Variants in CRPPA observed in about 807,000 individuals in gnomAD.
CRPPA encodes the protein D-ribitol-5-phosphate cytidylyltransferase.
A neutral mutation model predicts 52.0 loss-of-function variants in CRPPA; 43 were observed. The observed-to-expected ratio is 0.83, with a 90% CI of 0.65 to 1.07. The LOEUF is 1.07. Among genes scored for constraint, CRPPA ranks in the 50% least tolerant of loss-of-function variants. CRPPA has a pLI of 0.00. For missense variants in CRPPA, 629 were observed against 551.7 expected (o/e 1.14, Z -1.40); for synonymous variants, 250 against 203.5 (o/e 1.23, Z -1.94).
At position 16,278,232 on chromosome 7, in the gene CRPPA, A is replaced by T. The variant is rs766850173; in HGVS notation, c.836-6T>A. The T allele has an allele frequency of 4.8e-6, 7 of 1,462,630 alleles. No individual in the cohort carries two copies. Among genetic ancestry groups the T allele is most frequent in the Non-Finnish European group, 6.5e-6 (7 of 1,073,748 alleles). 90.6% of individuals were successfully genotyped at this position (1,462,630 alleles called of 1,614,324 possible). Reference sequence around the variant, plus strand: ...AATCTCTTGGGAAATTCTCTCTGAAATTAAAAAAAAAAAGTTTTAAGTTTC... The same window carrying T: ...AATCTCTTGGGAAATTCTCTCTGAATTTAAAAAAAAAAAGTTTTAAGTTTC... On this transcript the variant is annotated splice_polypyrimidine_tract_variant and splice_region_variant and intron_variant, in intron 5 of 9. Transcript: ENST00000407010.
intron 2 of CRPPA, among the ~76,000 whole-genome samples, chr7:16,393,715 T>G (rs1787498370): frequency 6.6e-6 from 1 of 152,224 alleles, no homozygotes; most frequent in East Asian, 1.9e-4. Context: ...CATTAGTGAT[T>G]TTAAGTATAT....
chr7:16,193,642 AAT>A (rs1781662499), intron 9 of CRPPA, among the ~76,000 whole-genome samples: 1 of 152,110 alleles, frequency 6.6e-6, no homozygotes, highest in Non-Finnish European at 1.5e-5. Context: ...AAATACCATA[AAT>A]ATAAAAGGGA....
chr7:16,414,282 T>C (rs2128319864), intron 1 of CRPPA, among the ~76,000 whole-genome samples: 1 of 151,410 alleles, frequency 6.6e-6, no homozygotes, highest in East Asian at 1.9e-4. Flanking sequence ...CCTTTCTTAA[T>C]CCCTTTTGCT....
Position 16,147,042 on chromosome 7 carries a change from G to A in CRPPA, c.1252-55243C>T, listed in dbSNP as rs1260061836. Among the ~76,000 whole-genome samples, 4 of 152,236 alleles carry A rather than the reference G, an allele frequency of 2.6e-5. No homozygotes were observed. The South Asian group carries it at 8.3e-4, about 32-fold the overall frequency. ...ACTCATTTAGGAACTCATTTTCAGG[G>A]TGAAAGTGAAAAGATCTGGTAGTTT... On this transcript the variant is annotated intron_variant, in intron 9 of 9. Transcript: ENST00000407010.
intron 3 of CRPPA, among the ~76,000 whole-genome samples, chr7:16,323,075 A>G (rs779529591): frequency 6.6e-6 from 1 of 152,106 alleles, no homozygotes; most frequent in Non-Finnish European, 1.5e-5. Context: ...GCCTTGATAC[A>G]TGGAGATTAT....
intron 9 of CRPPA, among the ~76,000 whole-genome samples, chr7:16,117,513 C>T (rs938608617): frequency 7.9e-5 from 12 of 152,210 alleles, no homozygotes; most frequent in Non-Finnish European, 1.6e-4. Flanking sequence ...GAGCAAGCCT[C>T]CCTCCAGCAG....
At chr7:16,400,516 C>A (rs959880978) in intron 2 of CRPPA, among the ~76,000 whole-genome samples, 3 of 152,220 alleles carry the variant, frequency 2.0e-5, no homozygotes, top group African/African-American at 7.2e-5. Flanking sequence ...AACGACACGA[C>A]TGGCACATGA....
In CRPPA at chr7:16,092,313, T is replaced by A. The variant is rs974162620; in HGVS notation, c.1252-514A>T. 2.0e-5 allele frequency among the ~76,000 whole-genome samples: 3 copies of A among 152,210 alleles called. No individual in the cohort carries two copies. The South Asian group carries it at 6.2e-4, about 32-fold the overall frequency. Reference sequence around the variant, plus strand: ...GTTTTGCCTTTGAAATCATATTGCCTGTAAGAATCCATTTATTCTAATTAT... The same window carrying A: ...GTTTTGCCTTTGAAATCATATTGCCAGTAAGAATCCATTTATTCTAATTAT... On this transcript the variant is annotated intron_variant, in intron 9 of 9. Transcript: ENST00000407010.
At chr7:16,328,723 C>T (rs1044915014) in intron 3 of CRPPA, among the ~76,000 whole-genome samples, 3 of 152,120 alleles carry the variant, frequency 2.0e-5, no homozygotes, top group Non-Finnish European at 2.9e-5. Context: ...CCATGTTGGC[C>T]AGGCTGGTCT....
chr7:16,286,337 C>A (rs1474591035), intron 5 of CRPPA, among the ~76,000 whole-genome samples: 1 of 151,630 alleles, frequency 6.6e-6, no homozygotes, highest in Non-Finnish European at 1.5e-5. Flanking sequence ...AAGCCTGAGA[C>A]ATCCACTCTT....
chr7:16,157,974 A>C (rs1484336007), intron 9 of CRPPA, among the ~76,000 whole-genome samples: 1 of 151,836 alleles, frequency 6.6e-6, no homozygotes, highest in Non-Finnish European at 1.5e-5. Flanking sequence ...TCGGGGAATC[A>C]AGCGATTCCC....
At chr7:16,346,241 G>A (rs997021443) in intron 3 of CRPPA, among the ~76,000 whole-genome samples, 2 of 151,972 alleles carry the variant, frequency 1.3e-5, no homozygotes, top group Non-Finnish European at 2.9e-5. Context: ...AAAGGTAACA[G>A]ACAAGTAAAA....
chr7:16,171,313 A>C (rs189979774), intron 9 of CRPPA, among the ~76,000 whole-genome samples: 23 of 152,314 alleles, frequency 1.5e-4, no homozygotes, highest in African/African-American at 5.3e-4. Context: ...TTACACAATA[A>C]AATATAAACG....
At chr7:16,138,705 T>C (rs1782807726) in intron 9 of CRPPA, among the ~76,000 whole-genome samples, 4 of 152,100 alleles carry the variant, frequency 2.6e-5, no homozygotes. Context: ...AAAATTATCT[T>C]ATACTTTGAC....
chr7:16,383,171 G>A (rs1269229045), intron 2 of CRPPA, among the ~76,000 whole-genome samples: 1 of 152,066 alleles, frequency 6.6e-6, no homozygotes, highest in Non-Finnish European at 1.5e-5. Flanking sequence ...TGGGTTTTTG[G>A]TGTGGATGTC....
chr7:16,254,796 A>AGAAAGAAAGAAAGAAAGAAG (rs1783576121), intron 8 of CRPPA, among the ~76,000 whole-genome samples: 2 of 49,588 alleles, frequency 4.0e-5, no homozygotes, highest in African/African-American at 1.4e-4. Flanking sequence ...AAAGAAGGAA[A>AGAAAGAAAGAAAGAAAGAAG]GAAAGAAAGA....
At position 16,133,784 on chromosome 7, in the gene CRPPA, A is replaced by G. The variant is rs151328815; in HGVS notation, c.1252-41985T>C. ...AAAGCTGAAATGCTTGATATGTACC[A>G]CAGATTTAGGTCTGCAGCTGAGGAT... On this transcript the variant is annotated intron_variant, in intron 9 of 9. Transcript: ENST00000407010. Among the ~76,000 whole-genome samples, 74 of 124,972 alleles carry G rather than the reference A, an allele frequency of 5.9e-4. 9 individuals carry two copies. Among genetic ancestry groups the G allele is most frequent in the African/African-American group, 1.7e-3 (67 of 38,594 alleles). 82.0% of individuals were successfully genotyped at this position (124,972 alleles called of 152,430 possible). A position where few individuals can be genotyped will look rare whatever the true frequency, so the allele number is the denominator to read the frequency against.
intron 8 of CRPPA, among the ~76,000 whole-genome samples, chr7:16,253,586 T>A (rs1015556747): frequency 1.3e-5 from 2 of 152,146 alleles, no homozygotes; most frequent in African/African-American, 4.8e-5. Flanking sequence ...ATTCTGTTGA[T>A]TTGGGGTGGA....
intron 1 of CRPPA, among the ~76,000 whole-genome samples, chr7:16,411,580 T>C (rs1004303877): frequency 1.3e-5 from 2 of 151,704 alleles, no homozygotes; most frequent in African/African-American, 2.4e-5. Flanking sequence ...CTATACTAGA[T>C]ACTGATGAGT....
Sources: gnomAD v4.1 joint callset for allele counts (sites outside exome capture counted in the v4.1 genomes callset) on GRCh38, gnomAD v4.1.1 for gene constraint, MANE v1.5 for transcripts, NCBI Gene and HGNC (gene_info 2026-07-23, HGNC 2026-07-21) for gene names.